ZMYM2: variants seen among roughly 807,000 people sequenced by gnomAD.
ZMYM2 encodes the protein zinc finger MYM-type protein 2.
A neutral mutation model predicts 162.8 loss-of-function variants in ZMYM2; 56 were observed. The observed-to-expected ratio is 0.34, with a 90% CI of 0.28 to 0.43. The LOEUF is 0.43. Among genes scored for constraint, ZMYM2 ranks in the 20% least tolerant of loss-of-function variants. ZMYM2 has a pLI of 1.00. For missense variants in ZMYM2, 1,275 were observed against 1,621.8 expected (o/e 0.79, Z 3.67); for synonymous variants, 510 against 541.6 (o/e 0.94, Z 0.81).
chr13:19,907,019 C>G, the ZMYM2 span, among the ~76,000 whole-genome samples: 1 of 152,120 alleles, frequency 6.6e-6, no homozygotes, highest in Non-Finnish European at 1.5e-5. Flanking sequence ...AGCCACCACA[C>G]CTGGACTGCA....
At position 20,000,607 on chromosome 13, in the gene ZMYM2, G is replaced by T. The variant is rs1462228704; in HGVS notation, c.848-2243G>T. Among the ~76,000 whole-genome samples the T allele has an allele frequency of 2.0e-5, 3 of 152,214 alleles. No individual in the cohort carries two copies. In the South Asian group the frequency reaches 6.2e-4, roughly 32 times the overall value. ...CCCGATGACAGCATGTGTGTTTACAGCATGGTTTACTGAATAGTTTAAACT... is the reference window on the plus strand; with the variant it reads ...CCCGATGACAGCATGTGTGTTTACATCATGGTTTACTGAATAGTTTAAACT... On this transcript the variant is annotated intron_variant, in intron 3 of 24. Transcript: ENST00000610343.
chr13:19,940,655 G>C, the ZMYM2 span, among the ~76,000 whole-genome samples: 2 of 152,124 alleles, frequency 1.3e-5, no homozygotes, highest in African/African-American at 4.8e-5. Flanking sequence ...AAACCCACTA[G>C]ACTGTATTTC....
chr13:19,922,061 GCAC>G, the ZMYM2 span, among the ~76,000 whole-genome samples: 1 of 151,854 alleles, frequency 6.6e-6, no homozygotes, highest in East Asian at 1.9e-4. Context: ...TCACAGGCAC[GCAC>G]CACCACGCTC....
intron 2 of ZMYM2, among the ~76,000 whole-genome samples, chr13:19,963,106 T>G (rs1244807950): frequency 6.6e-6 from 1 of 152,202 alleles, no homozygotes; most frequent in Non-Finnish European, 1.5e-5. Flanking sequence ...TCCAGAGTGC[T>G]GAGATTACAG....
the ZMYM2 span, among the ~76,000 whole-genome samples, chr13:19,891,504 A>G: frequency 1.3e-4 from 19 of 149,874 alleles, no homozygotes; most frequent in Middle Eastern, 6.8e-3. Context: ...AACCAGGTAT[A>G]GTGATGCATG....
chr13:19,952,310 G>T, the ZMYM2 span, among the ~76,000 whole-genome samples: 1 of 152,102 alleles, frequency 6.6e-6, no homozygotes, highest in Non-Finnish European at 1.5e-5. Flanking sequence ...GGAAGTTCAA[G>T]AGACTGTACA....
rs368876731 is a variant in ZMYM2 at position 20,074,759 on chromosome 13, C to G, written c.3454-7257C>G. On this transcript the variant is annotated intron_variant, in intron 21 of 24. Coordinates refer to ENST00000610343, the MANE Select transcript of ZMYM2 (RefSeq NM_197968.4). ...TTCACCGTGTTAGCCGGGACGGTCTCGATCTCCTGACCTCGTGATCCGCCT... is the reference window on the plus strand; with the variant it reads ...TTCACCGTGTTAGCCGGGACGGTCTGGATCTCCTGACCTCGTGATCCGCCT... Among the ~76,000 whole-genome samples the G allele has an allele frequency of 1.1e-3, 172 of 151,662 alleles. 1 individual carries two copies. The Middle Eastern group carries it at 0.017, about 15-fold the overall frequency.
At chr13:20,031,205 G>C in intron 9 of ZMYM2, 114 bp from the exon 10 acceptor site, 1 of 667,190 alleles carries the variant, frequency 1.5e-6, no homozygotes, top group Non-Finnish European at 2.4e-6. Flanking sequence ...GTGCTGAAAA[G>C]ATATCTAAGC....
intron 8 of ZMYM2, 83 bp downstream of exon 8, chr13:20,026,845 CTTG>C: frequency 7.2e-6 from 10 of 1,384,994 alleles, no homozygotes; most frequent in Non-Finnish European, 9.6e-6. Context: ...TGTTTTTATG[CTTG>C]TTTTTAACAG....
chr13:19,901,315 G>T, the ZMYM2 span, among the ~76,000 whole-genome samples: 3 of 152,284 alleles, frequency 2.0e-5, no homozygotes, highest in African/African-American at 7.2e-5. Context: ...AACTCAAAGA[G>T]ATATTAGTGC....
At chr13:19,950,607 A>G in the ZMYM2 span, among the ~76,000 whole-genome samples, 6 of 152,216 alleles carry the variant, frequency 3.9e-5, no homozygotes, top group Non-Finnish European at 7.3e-5. Flanking sequence ...TTTTCTACCC[A>G]TAATCCTCTC....
intron 12 of ZMYM2, among the ~76,000 whole-genome samples, chr13:20,041,041 A>G (rs1954198604): frequency 6.6e-6 from 1 of 152,208 alleles, no homozygotes; most frequent in South Asian, 2.1e-4. Flanking sequence ...CAATTTTAAG[A>G]GTATGTGCCA....
the ZMYM2 span, among the ~76,000 whole-genome samples, chr13:19,948,723 A>G: frequency 1.3e-5 from 2 of 152,216 alleles, no homozygotes; most frequent in Non-Finnish European, 2.9e-5. Flanking sequence ...CGTAAGTTGT[A>G]ACAAAACGTA....
the ZMYM2 span, among the ~76,000 whole-genome samples, chr13:19,917,026 G>C: frequency 6.6e-6 from 1 of 152,132 alleles, no homozygotes; most frequent in African/African-American, 2.4e-5. Flanking sequence ...CCAGTGGAGC[G>C]ATCTCCGCTC....
At chr13:19,939,609 G>T in the ZMYM2 span, among the ~76,000 whole-genome samples, 1 of 151,746 alleles carries the variant, frequency 6.6e-6, no homozygotes, top group Non-Finnish European at 1.5e-5. Context: ...TTTTGTTTTA[G>T]GATACTTATG....
At chr13:19,924,212 A>T in the ZMYM2 span, among the ~76,000 whole-genome samples, 2 of 152,002 alleles carry the variant, frequency 1.3e-5, no homozygotes, top group Non-Finnish European at 2.9e-5. Flanking sequence ...TCACCACTCC[A>T]CTTTCTCTTT....
intron 6 of ZMYM2, among the ~76,000 whole-genome samples, chr13:20,013,814 T>G (rs1951391716): frequency 6.6e-6 from 1 of 152,172 alleles, no homozygotes; most frequent in Non-Finnish European, 1.5e-5. Context: ...TTTAATATAT[T>G]GAATTCAGTT....
intron 17 of ZMYM2, among the ~76,000 whole-genome samples, chr13:20,061,545 G>A (rs1388664834): frequency 6.6e-6 from 1 of 151,776 alleles, no homozygotes; most frequent in Non-Finnish European, 1.5e-5. Flanking sequence ...CTCTAATGAT[G>A]ATCAAAACTC....
chr13:19,925,870 CAAA>C, the ZMYM2 span, among the ~76,000 whole-genome samples: 3 of 129,026 alleles, frequency 2.3e-5, no homozygotes. Context: ...GACTCCATCT[CAAA>C]AAAAAAAAAA....
Sources: allele counts gnomAD v4.1 joint callset (sites outside exome capture counted in the v4.1 genomes callset), GRCh38; gene constraint gnomAD v4.1.1; transcripts MANE v1.5; gene names NCBI Gene and HGNC (gene_info 2026-07-23, HGNC 2026-07-21).